Variants in MSN observed in about 807,000 individuals in gnomAD.
MSN encodes epididymis luminal protein 70.
MSN carries 2 observed loss-of-function variants against 48.0 expected under a neutral mutation model. That is an observed-to-expected ratio of 0.04 (90% CI 0.02 to 0.13). MSN has a LOEUF of 0.13. Among genes scored for constraint, MSN ranks in the 10% least tolerant of loss-of-function variants. The pLI is 1.00. For synonymous variants in MSN, 146 were observed against 166.9 expected (o/e 0.87, Z 0.97); for missense variants, 267 against 470.1 (o/e 0.57, Z 3.99).
intron 1 of MSN, among the ~76,000 whole-genome samples, chrX:65,683,346 G>A (rs1186340213): frequency 1.8e-5 from 2 of 109,244 alleles, no homozygotes; most frequent in Non-Finnish European, 3.8e-5. Flanking sequence ...TAATGTTGGG[G>A]CATCCAGTGG....
At chrX:65,628,059 C>A (rs1054048007) in intron 1 of MSN, among the ~76,000 whole-genome samples, 1 of 112,645 alleles carries the variant, frequency 8.9e-6, no homozygotes, top group Non-Finnish European at 1.9e-5. Flanking sequence ...ACCCTTGTGG[C>A]TTTGCAGGGT....
chrX:65,622,003 C>T (rs1295583163), intron 1 of MSN, among the ~76,000 whole-genome samples: 1 of 111,007 alleles, frequency 9.0e-6, no homozygotes, highest in Non-Finnish European at 1.9e-5. Context: ...ATTATTAGCT[C>T]TAATAGCTTT....
intron 1 of MSN, among the ~76,000 whole-genome samples, chrX:65,610,570 A>C (rs766161341): frequency 3.6e-5 from 4 of 112,288 alleles, no homozygotes; most frequent in Non-Finnish European, 7.5e-5. Flanking sequence ...GAACATTGGC[A>C]TACAGGTATC....
At chrX:65,709,384 A>T (rs893314131) in intron 1 of MSN, among the ~76,000 whole-genome samples, 1 of 112,421 alleles carries the variant, frequency 8.9e-6, no homozygotes, top group Non-Finnish European at 1.9e-5. Flanking sequence ...TTATCTCCAC[A>T]TTGAAGTTCA....
At chrX:65,732,105 TCC>T in intron 6 of MSN, 121 bp downstream of exon 6, 1 of 765,377 alleles carries the variant, frequency 1.3e-6, no homozygotes, top group African/African-American at 2.1e-5. Context: ...CCTAATTTAG[TCC>T]AGCCCAGATG....
chrX:65,695,507 CAAAAA>C (rs759652563), intron 1 of MSN, among the ~76,000 whole-genome samples: 2 of 12,963 alleles, frequency 1.5e-4, no homozygotes, highest in African/African-American at 3.3e-4. Context: ...AACTCTGTCT[CAAAAA>C]AAAAAAAAAA....
chrX:65,608,876 TGCTCAAGAAATGGTTA>T (rs2070298182), intron 1 of MSN, among the ~76,000 whole-genome samples: 1 of 110,284 alleles, frequency 9.1e-6, no homozygotes, highest in African/African-American at 3.3e-5. Context: ...TCACAATAGG[TGCTCAAGAAATGGTTA>T]CTACCATGAT....
intron 1 of MSN, among the ~76,000 whole-genome samples, chrX:65,677,023 T>C (rs1388754305): frequency 9.0e-6 from 1 of 111,009 alleles, no homozygotes; most frequent in Admixed American, 9.6e-5. Context: ...AGATGAGGTT[T>C]CACCATGTTG....
chrX:65,719,649 G>A (rs1342838844), intron 2 of MSN, among the ~76,000 whole-genome samples: 1 of 111,454 alleles, frequency 9.0e-6, no homozygotes, highest in Non-Finnish European at 1.9e-5. Flanking sequence ...AGAGGGAAGC[G>A]GTTAGTCAGT....
At chrX:65,720,637 A>C (rs1276858608) in intron 2 of MSN, among the ~76,000 whole-genome samples, 1 of 111,872 alleles carries the variant, frequency 8.9e-6, no homozygotes, top group Non-Finnish European at 1.9e-5. Flanking sequence ...CCCATCATTC[A>C]AGGAGGCCCT....
intron 1 of MSN, among the ~76,000 whole-genome samples, chrX:65,670,896 T>A (rs1393772072): frequency 7.1e-5 from 1 of 14,049 alleles, no homozygotes; most frequent in Non-Finnish European, 1.2e-4. Flanking sequence ...ATGATGACAG[T>A]TATATATATA....
chrX:65,616,875 C>T lies in MSN; in HGVS notation c.-22+28263C>T, dbSNP rs1208234413. On this transcript the variant is annotated intron_variant, in intron 1 of 3. Coordinates refer to the MSN transcript ENST00000609672. ...AGATAGCTCTTATTATTTTGAAATA[C>T]GTCCCATCAATACCTAATTTATTGA... Among the ~76,000 whole-genome samples the T allele has an allele frequency of 2.7e-4, 30 of 109,378 alleles. 1 individual carries two copies. The highest frequency in any genetic ancestry group is 1.7e-3 in the East Asian group (6 of 3,474). The allele number at this position is 109,378 out of a possible 115,157, so 95.0% of individuals were successfully genotyped here. A position where few individuals can be genotyped will look rare whatever the true frequency, so the allele number is the denominator to read the frequency against.
exon 1 of MSN, chrX:65,588,458 C>T: frequency 1.7e-6 from 1 of 574,983 alleles, no homozygotes. Context: ...CACCCTGGCC[C>T]TGGGGCCTGA....
At chrX:65,723,094 G>T (rs1487861319) in intron 2 of MSN, among the ~76,000 whole-genome samples, 3 of 111,388 alleles carry the variant, frequency 2.7e-5, no homozygotes, top group African/African-American at 9.8e-5. Context: ...CCACAGTCAT[G>T]GAGCTGAGTA....
At chrX:65,650,906 A>G (rs1446809457) in intron 1 of MSN, among the ~76,000 whole-genome samples, 1 of 111,200 alleles carries the variant, frequency 9.0e-6, no homozygotes, top group Non-Finnish European at 1.9e-5. Context: ...TCTCTCTTCA[A>G]AGCCAGCAAT....
intron 4 of MSN, 67 bp from the exon 5 acceptor site, chrX:65,731,040 G>A: frequency 1.1e-6 from 1 of 938,696 alleles, no homozygotes; most frequent in East Asian, 3.4e-5. Flanking sequence ...AAAGCTAAAT[G>A]GGCTTCCCTT....
At chrX:65,620,180 C>G (rs919481780) in intron 1 of MSN, among the ~76,000 whole-genome samples, 1 of 112,713 alleles carries the variant, frequency 8.9e-6, no homozygotes, top group Non-Finnish European at 1.9e-5. Flanking sequence ...TGCCCTGCCC[C>G]CAGAGGTGGA....
chrX:65,638,703 C>T (rs191342856), intron 1 of MSN, among the ~76,000 whole-genome samples: 2 of 112,183 alleles, frequency 1.8e-5, no homozygotes, highest in East Asian at 2.8e-4. Flanking sequence ...TAGAAGTGTG[C>T]GCCCATGCTG....
At chrX:65,604,982 G>A (rs1251716746) in intron 1 of MSN, among the ~76,000 whole-genome samples, 2 of 111,877 alleles carry the variant, frequency 1.8e-5, no homozygotes, top group Non-Finnish European at 3.8e-5. Flanking sequence ...TCCTCTGTTC[G>A]CACCTAGCCC....
Sources: allele counts gnomAD v4.1 joint callset (sites outside exome capture counted in the v4.1 genomes callset), GRCh38; gene constraint gnomAD v4.1.1; transcripts MANE v1.5; gene names NCBI Gene and HGNC (gene_info 2026-07-23, HGNC 2026-07-21).